The following ABTB2 variants were observed in gnomAD, a reference collection of about 807,000 sequenced individuals.
The protein encoded by ABTB2 is ankyrin repeat and BTB domain containing 2, also known as ankyrin repeat and BTB/POZ domain-containing protein 2.
ABTB2 carries 56 observed loss-of-function variants against 104.1 expected under a neutral mutation model. That is an observed-to-expected ratio of 0.54 (90% CI 0.43 to 0.67). The LOEUF is 0.67. ABTB2 is among the 30% of genes least tolerant of loss of function. The pLI, the probability that ABTB2 is intolerant of heterozygous loss-of-function variation, is 0.00. For missense variants in ABTB2, 1,279 were observed against 1,407.7 expected (o/e 0.91, Z 1.46); for synonymous variants, 606 against 608.2 (o/e 1.00, Z 0.05).
intron 1 of ABTB2, among the ~76,000 whole-genome samples, chr11:34,276,635 G>A (rs890093373): frequency 5.3e-5 from 8 of 152,070 alleles, no homozygotes; most frequent in African/African-American, 1.7e-4. Flanking sequence ...TACTGCTTAG[G>A]GTTACAATAC....
chr11:34,197,285 G>A (rs574744804), intron 3 of ABTB2, 40 bp downstream of exon 3: 22 of 1,598,946 alleles, frequency 1.4e-5, no homozygotes, highest in Non-Finnish European at 1.8e-5. Context: ...ACGTTTGGGA[G>A]CACGTCCCAC....
At chr11:34,202,207 G>C (rs574267688) in intron 2 of ABTB2, among the ~76,000 whole-genome samples, 7 of 152,372 alleles carry the variant, frequency 4.6e-5, no homozygotes, top group African/African-American at 1.4e-4. Flanking sequence ...AGTGGAATGA[G>C]AGTGTGGTAC....
chr11:34,209,189 T>C (rs946769752), intron 1 of ABTB2, among the ~76,000 whole-genome samples: 4 of 151,802 alleles, frequency 2.6e-5, no homozygotes, highest in South Asian at 2.1e-4. Flanking sequence ...CTACTAAAAA[T>C]ACAAAAATTA....
At chr11:34,311,065 T>C (rs1854846852) in intron 1 of ABTB2, among the ~76,000 whole-genome samples, 2 of 152,308 alleles carry the variant, frequency 1.3e-5, no homozygotes, top group African/African-American at 2.4e-5. Context: ...CCCCTTCCAC[T>C]GCCTTCAGTT....
intron 5 of ABTB2, among the ~76,000 whole-genome samples, chr11:34,168,864 G>A (rs1169970731): frequency 6.6e-6 from 1 of 152,254 alleles, no homozygotes; most frequent in East Asian, 1.9e-4. Flanking sequence ...AACAGCAAAG[G>A]CAGTGCAAAC....
chr11:34,332,231 G>A (rs1324771525), intron 1 of ABTB2, among the ~76,000 whole-genome samples: 1 of 151,684 alleles, frequency 6.6e-6, no homozygotes, highest in East Asian at 2.0e-4. Flanking sequence ...GCTGTAGGCA[G>A]ACCTAGCTCT....
intron 1 of ABTB2, among the ~76,000 whole-genome samples, chr11:34,345,674 A>G (rs1158636306): frequency 6.6e-6 from 1 of 152,026 alleles, no homozygotes; most frequent in Admixed American, 6.5e-5. Flanking sequence ...AGGCCTTCTC[A>G]CCTGCTACTG....
chr11:34,297,701 G>A (rs1158662698), intron 1 of ABTB2, among the ~76,000 whole-genome samples: 2 of 148,554 alleles, frequency 1.3e-5, no homozygotes, highest in African/African-American at 2.5e-5. Context: ...GGGAGGTGGA[G>A]GTTGCAGTGA....
At chr11:34,344,381 G>A (rs1040222600) in intron 1 of ABTB2, among the ~76,000 whole-genome samples, 6 of 152,202 alleles carry the variant, frequency 3.9e-5, no homozygotes, top group Non-Finnish European at 8.8e-5. Context: ...TATTGTCTGA[G>A]TCTCTATGCA....
intron 1 of ABTB2, among the ~76,000 whole-genome samples, chr11:34,263,063 C>T (rs1287430038): frequency 6.6e-6 from 1 of 152,126 alleles, no homozygotes; most frequent in Admixed American, 6.5e-5. Context: ...TAAAGGACTC[C>T]GGAGGCCGGT....
Position 34,161,179 on chromosome 11 carries a change from C to T in ABTB2, c.2219-98G>A, listed in dbSNP as rs1174648312. On this transcript the variant is annotated intron_variant, in intron 10 of 16. Transcript: ENST00000435224. ...CTGGGCAGACTCTCTCGGGATGCCC[C>T]CGCTGTCTGCAGAGCACCCCGCCCG... 5 of 1,293,322 alleles carry T rather than the reference C, an allele frequency of 3.9e-6. No individual in the cohort carries two copies. In the African/African-American group the frequency reaches 6.0e-5, roughly 16 times the overall value. The allele number at this position is 1,293,322 out of a possible 1,614,324, so 80.1% of individuals were successfully genotyped here. A position where few individuals can be genotyped will look rare whatever the true frequency, so the allele number is the denominator to read the frequency against.
intron 1 of ABTB2, among the ~76,000 whole-genome samples, chr11:34,323,895 G>A (rs933905027): frequency 6.9e-6 from 1 of 144,650 alleles, no homozygotes; most frequent in East Asian, 2.1e-4. Context: ...TTACATCAAC[G>A]TAAATTCCCT....
rs114975163 is a variant in ABTB2 at position 34,292,715 on chromosome 11, G to A, written c.883+63986C>T. On this transcript the variant is annotated intron_variant, in intron 1 of 16. Transcript: ENST00000435224. Reference sequence around the variant, plus strand: ...CAGGAAAGCGAACGGAGAGGGACAGGGGAGTGGAGCTCCCTCATAGGGAGG... The same window carrying A: ...CAGGAAAGCGAACGGAGAGGGACAGAGGAGTGGAGCTCCCTCATAGGGAGG... Among the ~76,000 whole-genome samples the A allele has an allele frequency of 8.0e-3, 1,224 of 152,242 alleles. 12 individuals are homozygous for A. Among genetic ancestry groups the A allele is most frequent in the African/African-American group, 0.027 (1,121 of 41,526 alleles).
At chr11:34,345,882 T>C (rs1394736204) in intron 1 of ABTB2, among the ~76,000 whole-genome samples, 1 of 152,234 alleles carries the variant, frequency 6.6e-6, no homozygotes, top group Non-Finnish European at 1.5e-5. Flanking sequence ...CCATATGTTC[T>C]GCCTCTCCAG....
intron 3 of ABTB2, among the ~76,000 whole-genome samples, chr11:34,173,582 C>T (rs1215921007): frequency 2.0e-5 from 3 of 152,138 alleles, no homozygotes; most frequent in East Asian, 1.9e-4. Context: ...ACAGAGACCC[C>T]GACTACCTGC....
intron 1 of ABTB2, among the ~76,000 whole-genome samples, chr11:34,349,362 A>G (rs1448527647): frequency 1.3e-5 from 2 of 152,276 alleles, no homozygotes; most frequent in East Asian, 3.9e-4. Flanking sequence ...GTTGGGGGTA[A>G]TCGAGCCATA....
chr11:34,315,416 C>T (rs550062152), intron 1 of ABTB2, among the ~76,000 whole-genome samples: 65 of 152,240 alleles, frequency 4.3e-4, no homozygotes, highest in African/African-American at 1.5e-3. Flanking sequence ...CTTGGCTTTC[C>T]GAGGTTTAGA....
At chr11:34,282,511 ACTTTTCTTTTTTCTTTT>A (rs1465383702) in intron 1 of ABTB2, among the ~76,000 whole-genome samples, 2 of 152,012 alleles carry the variant, frequency 1.3e-5, no homozygotes, top group African/African-American at 2.4e-5. Flanking sequence ...GATGTAACGT[ACTTTTCTTTTTTCTTTT>A]CTTTTCTTTT....
chr11:34,298,436 CT>C (rs934083441), intron 1 of ABTB2, among the ~76,000 whole-genome samples: 2 of 148,460 alleles, frequency 1.3e-5, no homozygotes, highest in African/African-American at 2.5e-5. Flanking sequence ...AAACCAATTA[CT>C]TTTTTTCTTT....
Sources: allele counts gnomAD v4.1 joint callset (sites outside exome capture counted in the v4.1 genomes callset), GRCh38; gene constraint gnomAD v4.1.1; transcripts MANE v1.5; gene names NCBI Gene and HGNC (gene_info 2026-07-23, HGNC 2026-07-21).